Variants in COL26A1 observed in about 807,000 individuals in gnomAD.
COL26A1 encodes collagen alpha-1(XXVI) chain.
A neutral mutation model predicts 59.3 loss-of-function variants in COL26A1; 41 were observed. The observed-to-expected ratio is 0.69, with a 90% CI of 0.54 to 0.90. The LOEUF (loss-of-function observed/expected upper bound fraction) is 0.90. COL26A1 is among the 40% of genes least tolerant of loss of function. COL26A1 has a pLI of 0.00. For missense variants in COL26A1, 612 were observed against 602.3 expected (o/e 1.02, Z -0.17); for synonymous variants, 266 against 256.0 (o/e 1.04, Z -0.37).
intron 10 of COL26A1, among the ~76,000 whole-genome samples, chr7:101,552,974 T>C (rs568159460): frequency 2.0e-5 from 3 of 152,294 alleles, no homozygotes; most frequent in African/African-American, 7.2e-5. Flanking sequence ...GGCCTTGTGT[T>C]GGAGACAGAC....
intron 1 of COL26A1, among the ~76,000 whole-genome samples, chr7:101,380,204 C>T (rs1418589410): frequency 6.6e-6 from 1 of 151,582 alleles, no homozygotes; most frequent in Non-Finnish European, 1.5e-5. Flanking sequence ...ATTGGCCAGG[C>T]TGGTCTCGAA....
chr7:101,402,127 TG>T (rs1395868658), intron 1 of COL26A1, among the ~76,000 whole-genome samples: 1 of 152,176 alleles, frequency 6.6e-6, no homozygotes, highest in Non-Finnish European at 1.5e-5. Context: ...GACAGCAGTG[TG>T]TGGCGGGGGT....
intron 1 of COL26A1, among the ~76,000 whole-genome samples, chr7:101,419,210 C>G (rs1792452291): frequency 6.6e-6 from 1 of 151,434 alleles, no homozygotes; most frequent in Non-Finnish European, 1.5e-5. Context: ...TGGGCTCAAG[C>G]CATCCCCTGC....
At chr7:101,458,996 G>A (rs1333244578) in intron 3 of COL26A1, among the ~76,000 whole-genome samples, 2 of 151,928 alleles carry the variant, frequency 1.3e-5, no homozygotes, top group Admixed American at 6.6e-5. Context: ...TTTTTGTTTT[G>A]TAAAGTGAGG....
At chr7:101,545,641 G>A (rs1391763703) in intron 7 of COL26A1, among the ~76,000 whole-genome samples, 151 bp downstream of exon 7, 1 of 152,176 alleles carries the variant, frequency 6.6e-6, no homozygotes, top group African/African-American at 2.4e-5. Flanking sequence ...CCTCCTCCAG[G>A]AAGCCCTCCA....
At chr7:101,489,808 T>TG (rs1563007994) in intron 3 of COL26A1, among the ~76,000 whole-genome samples, 57 of 3,208 alleles carry the variant, frequency 0.018, 7 homozygotes, top group Non-Finnish European at 0.03. Flanking sequence ...CTTTCTTTCT[T>TG]TCTTTCTTTC....
At chr7:101,390,376 C>T (rs181101519) in intron 1 of COL26A1, among the ~76,000 whole-genome samples, 57 of 152,068 alleles carry the variant, frequency 3.7e-4, no homozygotes, top group African/African-American at 1.3e-3. Flanking sequence ...GATCTGCCCG[C>T]CTCGGCCTCT....
chr7:101,408,516 T>A (rs1209437890), intron 1 of COL26A1, among the ~76,000 whole-genome samples: 2 of 152,116 alleles, frequency 1.3e-5, no homozygotes, highest in Non-Finnish European at 2.9e-5. Context: ...ATGCAGGGGA[T>A]CTGGGTGGCA....
chr7:101,405,148 G>A lies in COL26A1; in HGVS notation c.159-14829G>A, dbSNP rs1050494221. ...GAGGCAGGAGAATGGCGTGAACCCC[G>A]GGAGGCAGAGCTTGCAGTGAGCTGA... On this transcript the variant is annotated intron_variant, in intron 1 of 12. Transcript: ENST00000313669. 5.4e-5 allele frequency among the ~76,000 whole-genome samples: 8 copies of A among 148,052 alleles called. No individual in the cohort carries two copies. In the East Asian group the frequency reaches 6.1e-4, roughly 11 times the overall value.
At chr7:101,488,011 G>T (rs1053830539) in intron 3 of COL26A1, among the ~76,000 whole-genome samples, 1 of 151,960 alleles carries the variant, frequency 6.6e-6, no homozygotes, top group Admixed American at 6.6e-5. Context: ...AGTGGCTCAC[G>T]CCTATAATCC....
chr7:101,460,983 A>C (rs936832325), intron 3 of COL26A1, among the ~76,000 whole-genome samples: 7 of 151,578 alleles, frequency 4.6e-5, no homozygotes. Context: ...GCGGGATGTT[A>C]CTTTATTTTA....
At chr7:101,551,236 G>GT in intron 10 of COL26A1, 93 bp downstream of exon 10, 1 of 766,626 alleles carries the variant, frequency 1.3e-6, no homozygotes, top group Non-Finnish European at 2.1e-6. Flanking sequence ...TTGGTGGGGG[G>GT]GTTCAGCCCT....
chr7:101,496,835 G>A (rs151275716), intron 3 of COL26A1, among the ~76,000 whole-genome samples: 6,718 of 146,416 alleles, frequency 0.046, 522 homozygotes, highest in African/African-American at 0.16. Context: ...GCAGTGAGCC[G>A]AGATAGTGCC....
In COL26A1 at chr7:101,558,822, AC is replaced by A. The variant is rs1489035578; in HGVS notation, c.*1293del. 6.6e-6 allele frequency: 1 copy of A among 152,208 alleles called. No homozygotes were observed. The highest frequency in any genetic ancestry group is 6.5e-5 in the Admixed American group (1 of 15,282). 9.4% of individuals were successfully genotyped at this position (152,208 alleles called of 1,614,324 possible). ...CGCCACCCTGGGGCACTCTGTCTTC[AC>A]AGCAGGAGTGACTGTCTCCAGTGCT... On this transcript the variant is annotated 3_prime_UTR_variant, in exon 13 of 13. Coordinates refer to ENST00000313669, the MANE Select transcript of COL26A1 (RefSeq NM_001278563.3).
chr7:101,456,638 C>G (rs34876703), intron 3 of COL26A1, among the ~76,000 whole-genome samples: 66,378 of 149,354 alleles, frequency 0.44, 15,325 homozygotes, highest in Middle Eastern at 0.54. Flanking sequence ...CACTCCACCT[C>G]GGCAACAAGA....
intron 3 of COL26A1, among the ~76,000 whole-genome samples, chr7:101,529,582 G>A (rs1337510157): frequency 6.6e-6 from 1 of 152,104 alleles, no homozygotes; most frequent in Non-Finnish European, 1.5e-5. Flanking sequence ...GTTGAACACT[G>A]TACCAGAGAG....
chr7:101,376,984 G>A (rs1370944723), intron 1 of COL26A1, among the ~76,000 whole-genome samples: 4 of 151,836 alleles, frequency 2.6e-5, no homozygotes, highest in South Asian at 2.1e-4. Context: ...TCAGTCTCCC[G>A]AGTAGCTGTG....
intron 3 of COL26A1, among the ~76,000 whole-genome samples, chr7:101,456,365 T>C (rs1162720270): frequency 1.3e-5 from 2 of 151,490 alleles, no homozygotes; most frequent in African/African-American, 2.4e-5. Flanking sequence ...GTGTGCAACA[T>C]GCTGAGCTAA....
intron 2 of COL26A1, among the ~76,000 whole-genome samples, chr7:101,440,454 C>T (rs9649226): frequency 0.57 from 86,901 of 152,056 alleles, 25,035 homozygotes; most frequent in Middle Eastern, 0.65. Flanking sequence ...AGGAGGCCAG[C>T]CTCCCTCGGG....
Sources: allele counts gnomAD v4.1 joint callset (sites outside exome capture counted in the v4.1 genomes callset), GRCh38; gene constraint gnomAD v4.1.1; transcripts MANE v1.5; gene names NCBI Gene and HGNC (gene_info 2026-07-23, HGNC 2026-07-21).